The following EDC3 variants were observed in gnomAD, a reference collection of about 807,000 sequenced individuals.
EDC3 encodes the protein enhancer of mRNA-decapping protein 3.
Under a neutral mutation model 41.8 loss-of-function variants are expected in EDC3, and 20 were observed. The observed-to-expected ratio is 0.48, with a 90% CI of 0.34 to 0.70. EDC3 has a LOEUF of 0.70. Ranked by LOEUF, EDC3 falls within the 30% of genes least tolerant of loss-of-function variation. EDC3 has a pLI of 0.01. For missense variants in EDC3, 444 were observed against 636.8 expected, an observed-to-expected ratio of 0.70 and a Z score of 3.26; for synonymous variants, 206 against 243.2, an observed-to-expected ratio of 0.85 and a Z score of 1.42.
chr15:74,678,339 A>G (rs2062829706), intron 1 of EDC3, among the ~76,000 whole-genome samples: 1 of 152,134 alleles, frequency 6.6e-6, no homozygotes, highest in Non-Finnish European at 1.5e-5. Flanking sequence ...CAACAGTGAG[A>G]TATATGGGAA....
Position 74,688,705 on chromosome 15 carries a change from A to G in EDC3, c.-19+7175T>C, listed in dbSNP as rs777841812. 4.9e-4 allele frequency among the ~76,000 whole-genome samples: 75 copies of G among 152,310 alleles called. 1 individual carries two copies. The highest frequency in any genetic ancestry group is 1.7e-3 in the African/African-American group (71 of 41,560). On this transcript the variant is annotated intron_variant, in intron 1 of 6. Coordinates refer to ENST00000315127, the MANE Select transcript of EDC3 (RefSeq NM_025083.5). Reference sequence around the variant, plus strand: ...TGGATCACTTGAGGTCAAGAGTTCAATACCAATCTAGCCAACATGGCAAAA... The same window carrying G: ...TGGATCACTTGAGGTCAAGAGTTCAGTACCAATCTAGCCAACATGGCAAAA...
intron 4 of EDC3, among the ~76,000 whole-genome samples, chr15:74,654,035 G>A (rs1055110154): frequency 6.6e-6 from 1 of 152,004 alleles, no homozygotes; most frequent in African/African-American, 2.4e-5. Flanking sequence ...GGTGGATCAC[G>A]AGGTCAGGAG....
At chr15:74,673,993 C>T (rs192139521) in intron 2 of EDC3, among the ~76,000 whole-genome samples, 6 of 151,264 alleles carry the variant, frequency 4.0e-5, no homozygotes, top group East Asian at 1.9e-4. Flanking sequence ...TAAAAAACAA[C>T]AAAAAAAGTA....
Position 74,635,574 on chromosome 15 carries a change from G to A in EDC3, c.1027C>T (p.Pro343Ser). 1 of 1,614,228 alleles carries A rather than the reference G, an allele frequency of 6.2e-7. No homozygotes were observed. The highest frequency in any genetic ancestry group is 1.1e-5 in the South Asian group (1 of 91,088). ...ATACCCTGAGCCCCCTTCACATGAG[G>A]TCCACACAGTAGAGCCACTGTAGGC... is the stretch of plus-strand genomic sequence containing the variant. ...QRPTVALLCG[P>S]HVKGAQGISC... Residue 343 changes from proline to serine, a missense_variant, in exon 6 of 7, where the codon CCT becomes TCT. Coordinates refer to ENST00000315127, the MANE Select transcript of EDC3 (RefSeq NM_025083.5).
intron 6 of EDC3, 162 bp downstream of exon 6, chr15:74,635,247 G>T: frequency 1.4e-6 from 1 of 723,064 alleles, no homozygotes; most frequent in East Asian, 2.7e-5. Flanking sequence ...AAGCATAAGG[G>T]GATGGGAAGT....
chr15:74,675,292 T>TA, intron 1 of EDC3, 150 bp from the exon 2 acceptor site: 1 of 603,572 alleles, frequency 1.7e-6, no homozygotes. Flanking sequence ...TTAAAAAAAT[T>TA]AAAATTTTTT....
At chr15:74,635,648 C>T (rs745677359) in intron 5 of EDC3, 22 bp from the exon 6 acceptor site, 1 of 1,606,452 alleles carries the variant, frequency 6.2e-7, no homozygotes, top group South Asian at 1.1e-5. Flanking sequence ...GGTGAAGAAG[C>T]AGTATCAGCT....
chr15:74,675,157 A>T lies in EDC3; in HGVS notation c.-18-15T>A. On this transcript the variant is annotated splice_polypyrimidine_tract_variant and intron_variant, in intron 1 of 6. Coordinates refer to ENST00000315127, the MANE Select transcript of EDC3 (RefSeq NM_025083.5). The stretch of plus-strand genomic sequence containing the variant: ...ACGTGAGACCACTGTGAAGAGAAGG[A>T]ACTATTCAGTGTGCCTTGGTGAAAA... 6.2e-7 allele frequency: 1 copy of T among 1,608,414 alleles called. No individual in the cohort carries two copies. Among genetic ancestry groups the T allele is most frequent in the African/African-American group, 1.3e-5 (1 of 75,042 alleles).
intron 4 of EDC3, among the ~76,000 whole-genome samples, chr15:74,648,933 T>C (rs1024452083): frequency 1.3e-5 from 2 of 152,198 alleles, no homozygotes; most frequent in Non-Finnish European, 1.5e-5. Context: ...GTCATTTTTT[T>C]TAAACGTTGA....
chr15:74,693,256 T>C (rs193267986), intron 1 of EDC3, among the ~76,000 whole-genome samples: 39 of 152,236 alleles, frequency 2.6e-4, no homozygotes, highest in Admixed American at 1.7e-3. Flanking sequence ...ACACCACTGA[T>C]TGGTGATTAA....
chr15:74,647,695 T>C (rs906331227), intron 4 of EDC3, among the ~76,000 whole-genome samples: 2 of 152,222 alleles, frequency 1.3e-5, no homozygotes, highest in African/African-American at 4.8e-5. Flanking sequence ...AGAAAGGGAC[T>C]GATACATTCT....
chr15:74,656,070 T>C lies in EDC3; in HGVS notation c.485-2A>G. The C allele has an allele frequency of 6.2e-7, 1 of 1,605,410 alleles. No individual in the cohort carries two copies. ...TTGGGTGCCTGCTACTAGATGACCCTGGAGAAAAAATAGGGACTAAAGTCA... is the reference window on the plus strand; with the variant it reads ...TTGGGTGCCTGCTACTAGATGACCCCGGAGAAAAAATAGGGACTAAAGTCA... On this transcript the variant is annotated splice_acceptor_variant, in intron 3 of 6. Transcript: ENST00000315127. LOFTEE classifies it high-confidence loss of function.
At chr15:74,683,731 A>AAAT (rs1456733440) in intron 1 of EDC3, among the ~76,000 whole-genome samples, 2 of 152,322 alleles carry the variant, frequency 1.3e-5, no homozygotes, top group African/African-American at 4.8e-5. Flanking sequence ...ATTAAAAAAA[A>AAAT]AATCAATGCC....
At chr15:74,645,913 G>A (rs1231824668) in intron 4 of EDC3, among the ~76,000 whole-genome samples, 1 of 152,058 alleles carries the variant, frequency 6.6e-6, no homozygotes, top group Non-Finnish European at 1.5e-5. Context: ...ACAAAGTTAA[G>A]TGCTTCCAAA....
intron 6 of EDC3, among the ~76,000 whole-genome samples, chr15:74,634,568 C>T (rs1344253371): frequency 6.6e-6 from 1 of 152,152 alleles, no homozygotes; most frequent in Non-Finnish European, 1.5e-5. Flanking sequence ...CTCCCCAAAC[C>T]TTCTCTATCA....
At chr15:74,643,076 C>G (rs1414191363) in intron 4 of EDC3, 1 of 152,158 alleles carries the variant, frequency 6.6e-6, no homozygotes, top group Non-Finnish European at 1.5e-5. Context: ...CTGAAAGGAA[C>G]GTACAAACAC....
At chr15:74,643,283 G>C (rs144169569) in intron 4 of EDC3, 1 of 152,332 alleles carries the variant, frequency 6.6e-6, no homozygotes, top group East Asian at 1.9e-4. Context: ...TTGGAAGGTA[G>C]ATCTTTATTG....
chr15:74,643,786 G>GTGT (rs1171187830), intron 4 of EDC3: 1 of 152,196 alleles, frequency 6.6e-6, no homozygotes, highest in Admixed American at 6.5e-5. Context: ...CCACAACAAA[G>GTGT]TGTTATCTCA....
intron 1 of EDC3, among the ~76,000 whole-genome samples, chr15:74,682,546 A>G (rs1252934836): frequency 7.2e-6 from 1 of 139,252 alleles, no homozygotes; most frequent in Non-Finnish European, 1.5e-5. Context: ...TGAACTGAAG[A>G]GGTGGAGCTT....
Sources: gnomAD v4.1 joint callset for allele counts (sites outside exome capture counted in the v4.1 genomes callset) on GRCh38, gnomAD v4.1.1 for gene constraint, MANE v1.5 for transcripts, NCBI Gene and HGNC (gene_info 2026-07-23, HGNC 2026-07-21) for gene names.